Variants in PATL1 observed in about 807,000 individuals in gnomAD.
PATL1 encodes the protein PAT1 homolog 1, processing body mRNA decay factor.
PATL1 carries 32 observed loss-of-function variants against 100.6 expected under a neutral mutation model. The ratio of observed to expected loss-of-function variants is 0.32; its 90% CI spans 0.24 to 0.43. The LOEUF is 0.43. Ranked by LOEUF, PATL1 falls within the 20% of genes least tolerant of loss-of-function variation. The pLI, the probability that PATL1 is intolerant of heterozygous loss-of-function variation, is 1.00. For synonymous variants in PATL1, 332 were observed against 330.0 expected (o/e 1.01, Z -0.07); for missense variants, 747 against 949.9 (o/e 0.79, Z 2.81).
In PATL1 at chr11:59,656,585, G is replaced by A. The variant is rs979541623; in HGVS notation, c.637C>T (p.Pro213Ser). ...GGCATTGGGGGCCGAACATGGACAG[G>A]CTTCGGACACAGAATCTATCAGGAC... ...SFTQQILCPK[P>S]VHVRPPMPPR... The change falls in exon 6 of 19, where the codon CCT (proline) becomes TCT (serine). Residue 213 changes from proline to serine, a missense_variant. Physicochemically the swap from Pro to Ser is moderately conservative, Grantham distance 74. This residue lies in a region of PATL1 where 127 missense variants were observed against 116.0 expected (regional missense o/e 1.09). Coordinates refer to ENST00000300146, the MANE Select transcript of PATL1 (RefSeq NM_152716.3). The A allele has an allele frequency of 6.2e-7, 1 of 1,613,770 alleles. No individual in the cohort carries two copies. Among genetic ancestry groups the A allele is most frequent in the Non-Finnish European group, 8.5e-7 (1 of 1,179,804 alleles).
chr11:59,665,090 G>T (rs1861669486), intron 2 of PATL1, among the ~76,000 whole-genome samples: 1 of 152,136 alleles, frequency 6.6e-6, no homozygotes, highest in African/African-American at 2.4e-5. Flanking sequence ...CATGAGTCTA[G>T]CTTCTACTTT....
intron 2 of PATL1, among the ~76,000 whole-genome samples, chr11:59,664,923 T>A (rs1861667762): frequency 6.6e-6 from 1 of 152,232 alleles, no homozygotes; most frequent in Non-Finnish European, 1.5e-5. Flanking sequence ...AATTTGCAAT[T>A]CACATCAGTT....
intron 15 of PATL1, 121 bp from the exon 16 acceptor site, chr11:59,643,156 A>C: frequency 9.9e-7 from 1 of 1,008,320 alleles, no homozygotes; most frequent in Non-Finnish European, 1.4e-6. Flanking sequence ...CAAGTCTGGC[A>C]GATATGACTA....
chr11:59,651,420 G>A (rs1861441579), intron 12 of PATL1, 124 bp downstream of exon 12: 8 of 681,014 alleles, frequency 1.2e-5, no homozygotes, highest in Non-Finnish European at 1.7e-5. Context: ...AATGCATGAC[G>A]AGGTGGGAGG....
intron 15 of PATL1, among the ~76,000 whole-genome samples, chr11:59,645,633 A>G (rs867315746): frequency 1.3e-5 from 2 of 152,096 alleles, no homozygotes; most frequent in Non-Finnish European, 2.9e-5. Flanking sequence ...TAGTGGGTTG[A>G]TGGCCTAGTA....
rs544741709 is a variant in PATL1, at chr11:59,664,913, A to T, written c.127+1940T>A. ...TATCACTAAACTATCTTCCAAATAT[A>T]ATTTGCAATTCACATCAGTTTCCTG... is the stretch of plus-strand genomic sequence containing the variant. On this transcript the variant is annotated intron_variant, in intron 2 of 18. Transcript: ENST00000300146. 1.2e-4 allele frequency among the ~76,000 whole-genome samples: 19 copies of T among 152,298 alleles called. No homozygotes were observed. The South Asian group carries it at 3.9e-3, about 32-fold the overall frequency.
chr11:59,652,364 C>T, intron 11 of PATL1, 100 bp downstream of exon 11: 1 of 1,435,470 alleles, frequency 7.0e-7, no homozygotes. Flanking sequence ...TTTGAAACAT[C>T]TTTGCATATC....
Position 59,636,850 on chromosome 11 carries a change from T to C in PATL1, c.*1540A>G, listed in dbSNP as rs1861199467. The C allele has an allele frequency of 6.6e-6, 1 of 152,622 alleles. No homozygotes were observed. The highest frequency in any genetic ancestry group is 2.4e-5 in the African/African-American group (1 of 41,462). The allele number at this position is 152,622 out of a possible 1,614,324, so 9.5% of individuals were successfully genotyped here. The stretch of plus-strand genomic sequence containing the variant: ...GTAAGGAAGAGATAATAATCAAGTA[T>C]TCACTTGATTGGTTGTGAAGGGAAG... On this transcript the variant is annotated 3_prime_UTR_variant, in exon 19 of 19. Coordinates refer to ENST00000300146, the MANE Select transcript of PATL1 (RefSeq NM_152716.3).
In PATL1 at chr11:59,638,903, G is replaced by A; in HGVS notation, c.2291+145C>T. ...TCACCATTTTGGTCAGGCTGGTCTGGAACTCCTGGCCTCAAGTGATCCACC... is the reference window on the plus strand; with the variant it reads ...TCACCATTTTGGTCAGGCTGGTCTGAAACTCCTGGCCTCAAGTGATCCACC... On this transcript the variant is annotated intron_variant, in intron 18 of 18. Coordinates refer to ENST00000300146, the MANE Select transcript of PATL1 (RefSeq NM_152716.3). 4.3e-6 allele frequency: 4 copies of A among 924,418 alleles called. No individual in the cohort carries two copies. In the South Asian group the frequency reaches 7.0e-5, roughly 16 times the overall value. 57.3% of individuals were successfully genotyped at this position (924,418 alleles called of 1,614,324 possible). A position where few individuals can be genotyped will look rare whatever the true frequency, so the allele number is the denominator to read the frequency against.
chr11:59,656,435 G>C (rs1861534898), intron 6 of PATL1, 64 bp downstream of exon 6: 10 of 1,338,690 alleles, frequency 7.5e-6, no homozygotes, highest in South Asian at 2.5e-5. Flanking sequence ...TACTGGCAGT[G>C]ATCTTACAAA....
intron 5 of PATL1, 112 bp downstream of exon 5, chr11:59,657,418 T>C (rs1861551511): frequency 1.9e-6 from 2 of 1,035,504 alleles, no homozygotes; most frequent in Non-Finnish European, 1.4e-6. Flanking sequence ...TTTTTCTTTC[T>C]AATCTAATGC....
chr11:59,655,383 T>C, intron 8 of PATL1, 140 bp downstream of exon 8: 1 of 804,532 alleles, frequency 1.2e-6, no homozygotes. Context: ...TTGTCAAACA[T>C]TTCCATGTTT....
At chr11:59,667,903 G>C (rs1295317418) in intron 1 of PATL1, among the ~76,000 whole-genome samples, 1 of 152,144 alleles carries the variant, frequency 6.6e-6, no homozygotes, top group Non-Finnish European at 1.5e-5. Context: ...CAAAAATTCA[G>C]AATCAGAATT....
At chr11:59,667,475 T>C (rs1861707543) in intron 1 of PATL1, among the ~76,000 whole-genome samples, 1 of 152,362 alleles carries the variant, frequency 6.6e-6, no homozygotes, top group Non-Finnish European at 1.5e-5. Flanking sequence ...ACTCTAGTGA[T>C]GAAACAGAAA....
rs1045958618 is a variant in PATL1, at chr11:59,659,101, T to A, written c.345+151A>T. On this transcript the variant is annotated intron_variant, in intron 3 of 18. Coordinates refer to ENST00000300146, the MANE Select transcript of PATL1 (RefSeq NM_152716.3). ...ATATACATTATTCCCCAAGTTTATC[T>A]CTAGAACTTCTATCATCAGGAAATA... is the stretch of plus-strand genomic sequence containing the variant. 5.2e-6 allele frequency: 5 copies of A among 961,136 alleles called. No homozygotes were observed. The African/African-American group carries it at 8.4e-5, about 16-fold the overall frequency. 59.5% of individuals were successfully genotyped at this position (961,136 alleles called of 1,614,324 possible). A position where few individuals can be genotyped will look rare whatever the true frequency, so the allele number is the denominator to read the frequency against.
Position 59,656,046 on chromosome 11 carries a change from CT to C in PATL1, c.724-2del. On this transcript the variant is annotated splice_acceptor_variant, in intron 6 of 18. Transcript: ENST00000300146. LOFTEE classifies it high-confidence loss of function. ...AAGGGTGACCCAGGAGGGAAGAGTT[CT>C]AAGGTAAAAAAAAAAAAAAAAAAAA... is the stretch of plus-strand genomic sequence containing the variant. The C allele has an allele frequency of 1.3e-6, 1 of 764,630 alleles. No homozygotes were observed. The highest frequency in any genetic ancestry group is 1.9e-6 in the Non-Finnish European group (1 of 535,196). The allele number at this position is 764,630 out of a possible 1,614,324, so 47.4% of individuals were successfully genotyped here.
At chr11:59,655,421 A>T in intron 8 of PATL1, 102 bp downstream of exon 8, 1 of 1,102,570 alleles carries the variant, frequency 9.1e-7, no homozygotes, top group Non-Finnish European at 1.3e-6. Context: ...ATAACATCTT[A>T]AAATTTATAG....
chr11:59,657,071 C>G, intron 5 of PATL1: 1 of 984,726 alleles, frequency 1.0e-6, no homozygotes, highest in African/African-American at 1.7e-5. Context: ...CACCACCCTC[C>G]CCCCATACCT....
chr11:59,665,287 T>C (rs934412039), intron 2 of PATL1, among the ~76,000 whole-genome samples: 2 of 152,232 alleles, frequency 1.3e-5, no homozygotes, highest in African/African-American at 4.8e-5. Context: ...TCTTATTTGT[T>C]TTTGATATTC....
Sources: allele counts gnomAD v4.1 joint callset (sites outside exome capture counted in the v4.1 genomes callset), GRCh38; gene constraint gnomAD v4.1.1; regional missense constraint gnomAD v4.1.1; transcripts MANE v1.5; gene names NCBI Gene and HGNC (gene_info 2026-07-23, HGNC 2026-07-21).